CNTNAP5: variants seen among roughly 807,000 people sequenced by gnomAD.
CNTNAP5 encodes the protein contactin-associated protein-like 5.
CNTNAP5 carries 72 observed loss-of-function variants against 150.2 expected under a neutral mutation model. The ratio of observed to expected loss-of-function variants is 0.48; its 90% CI spans 0.40 to 0.58. The LOEUF is 0.58. CNTNAP5 is among the 20% of genes least tolerant of loss of function. The pLI is 0.00. For missense variants in CNTNAP5, 1,636 were observed against 1,626.2 expected (o/e 1.01, Z -0.10); for synonymous variants, 672 against 619.8 (o/e 1.08, Z -1.25).
chr2:124,301,879 A>T (rs889184102), intron 3 of CNTNAP5, among the ~76,000 whole-genome samples: 1 of 152,230 alleles, frequency 6.6e-6, no homozygotes, highest in African/African-American at 2.4e-5. Context: ...ATATTTTATT[A>T]TCCCCAAATT....
intron 3 of CNTNAP5, among the ~76,000 whole-genome samples, chr2:124,251,418 G>T (rs1415599397): frequency 1.3e-5 from 2 of 151,478 alleles, no homozygotes; most frequent in East Asian, 3.9e-4. Context: ...TACAGAGAAG[G>T]AGTCATAAAA....
At chr2:124,565,426 C>T (rs974414688) in intron 11 of CNTNAP5, among the ~76,000 whole-genome samples, 4 of 151,310 alleles carry the variant, frequency 2.6e-5, no homozygotes, top group Admixed American at 6.6e-5. Flanking sequence ...CATTGTATGC[C>T]GGTACCAAAA....
chr2:124,236,465 C>A (rs1024980015), intron 2 of CNTNAP5, among the ~76,000 whole-genome samples: 13 of 152,150 alleles, frequency 8.5e-5, no homozygotes, highest in African/African-American at 3.1e-4. Context: ...TGGGTGATCC[C>A]GTTCTACAGG....
chr2:124,667,740 T>C (rs983786360), intron 13 of CNTNAP5, among the ~76,000 whole-genome samples: 17 of 152,360 alleles, frequency 1.1e-4, no homozygotes, highest in Non-Finnish European at 2.4e-4. Context: ...GTCTATTCTC[T>C]CTCTCTTATT....
chr2:124,180,803 C>G (rs1685190236), intron 1 of CNTNAP5, among the ~76,000 whole-genome samples: 1 of 140,788 alleles, frequency 7.1e-6, no homozygotes, highest in South Asian at 2.3e-4. Flanking sequence ...AATTCAAGCT[C>G]TGCTGTGTAA....
chr2:124,160,882 T>C (rs899197338), intron 1 of CNTNAP5, among the ~76,000 whole-genome samples: 17 of 152,220 alleles, frequency 1.1e-4, no homozygotes, highest in African/African-American at 3.9e-4. Context: ...CAAAGAGCCA[T>C]ATTTATTTAT....
intron 13 of CNTNAP5, among the ~76,000 whole-genome samples, chr2:124,715,349 A>G (rs1679923221): frequency 6.6e-6 from 1 of 152,156 alleles, no homozygotes; most frequent in African/African-American, 2.4e-5. Flanking sequence ...CTTGAACACC[A>G]TATATTTATG....
chr2:124,687,254 A>G (rs918120288), intron 13 of CNTNAP5, among the ~76,000 whole-genome samples: 2 of 151,868 alleles, frequency 1.3e-5, no homozygotes, highest in African/African-American at 4.8e-5. Flanking sequence ...CTGCTTGAAG[A>G]GCCTGAGCAC....
At chr2:124,600,380 C>T (rs1050705231) in intron 11 of CNTNAP5, among the ~76,000 whole-genome samples, 29 of 152,086 alleles carry the variant, frequency 1.9e-4, no homozygotes, top group African/African-American at 5.1e-4. Context: ...TCTGGAGTAA[C>T]GCACTAGTAA....
chr2:124,101,467 A>G (rs1683059682), intron 1 of CNTNAP5, among the ~76,000 whole-genome samples: 1 of 152,158 alleles, frequency 6.6e-6, no homozygotes, highest in Non-Finnish European at 1.5e-5. Flanking sequence ...AAGGGGCACA[A>G]GAATCCTAGG....
intron 3 of CNTNAP5, among the ~76,000 whole-genome samples, chr2:124,332,408 G>A (rs1689371508): frequency 6.6e-6 from 1 of 150,906 alleles, no homozygotes; most frequent in Non-Finnish European, 1.5e-5. Flanking sequence ...GCATTCTGTA[G>A]ACTAACACAA....
At chr2:124,311,467 C>A (rs78296478) in intron 3 of CNTNAP5, among the ~76,000 whole-genome samples, 7,006 of 152,046 alleles carry the variant, frequency 0.046, 267 homozygotes, top group South Asian at 0.13. Flanking sequence ...GGGGAGAAAG[C>A]GAGAAAGAAG....
intron 3 of CNTNAP5, among the ~76,000 whole-genome samples, chr2:124,251,996 T>A (rs980373720): frequency 2.0e-5 from 3 of 152,192 alleles, no homozygotes; most frequent in African/African-American, 7.2e-5. Flanking sequence ...TGAAGCATTC[T>A]GCATGTAGAT....
At chr2:124,057,278 G>A (rs1019302840) in intron 1 of CNTNAP5, among the ~76,000 whole-genome samples, 4 of 114,708 alleles carry the variant, frequency 3.5e-5, no homozygotes, top group Admixed American at 1.1e-4. Context: ...AAATTAACAA[G>A]TCCATTTTTT....
chr2:124,170,107 G>T (rs951370921), intron 1 of CNTNAP5, among the ~76,000 whole-genome samples: 6 of 152,112 alleles, frequency 3.9e-5, no homozygotes, highest in Non-Finnish European at 8.8e-5. Context: ...TAGAAAAGCA[G>T]GGTAATCATC....
chr2:124,562,145 G>A (rs2104929654), intron 10 of CNTNAP5, among the ~76,000 whole-genome samples: 1 of 152,208 alleles, frequency 6.6e-6, no homozygotes, highest in Admixed American at 6.5e-5. Context: ...TAAAGTCTGT[G>A]ATTTCTGTCT....
intron 6 of CNTNAP5, among the ~76,000 whole-genome samples, chr2:124,468,335 T>C (rs1693429492): frequency 6.6e-6 from 1 of 152,140 alleles, no homozygotes. Flanking sequence ...CTTCAGCCTG[T>C]GGCAGAAGGC....
At chr2:124,476,748 G>A (rs1165433208) in intron 7 of CNTNAP5, among the ~76,000 whole-genome samples, 1 of 152,124 alleles carries the variant, frequency 6.6e-6, no homozygotes, top group African/African-American at 2.4e-5. Context: ...ACTACAGCAT[G>A]GCTCAGTGGA....
intron 1 of CNTNAP5, among the ~76,000 whole-genome samples, chr2:124,035,012 C>T (rs1189129465): frequency 1.4e-5 from 1 of 69,502 alleles, no homozygotes; most frequent in African/African-American, 4.7e-5. Flanking sequence ...CCCTCCCCTC[C>T]CCTCCCTCCC....
Sources: gnomAD v4.1 joint callset for allele counts (sites outside exome capture counted in the v4.1 genomes callset) on GRCh38, gnomAD v4.1.1 for gene constraint, MANE v1.5 for transcripts, NCBI Gene and HGNC (gene_info 2026-07-23, HGNC 2026-07-21) for gene names.